AMD1: variants seen among roughly 807,000 people sequenced by gnomAD.
AMD1 encodes the protein adenosylmethionine decarboxylase 1, also known as S-adenosylmethionine decarboxylase proenzyme.
AMD1 carries 11 observed loss-of-function variants against 40.2 expected under a neutral mutation model. That is an observed-to-expected ratio of 0.27 (90% CI 0.17 to 0.45). AMD1 has a LOEUF of 0.45. AMD1 is among the 20% of genes least tolerant of loss of function. The probability of loss-of-function intolerance (pLI) is 1.00; values close to 1 mark genes in which losing one functional copy is unlikely to be tolerated. For synonymous variants in AMD1, 121 were observed against 130.8 expected (o/e 0.93, Z 0.51); for missense variants, 257 against 410.2 (o/e 0.63, Z 3.23).
At chr6:110,858,557 G>T in the AMD1 span, 1 of 1,600,750 alleles carries the variant, frequency 6.2e-7, no homozygotes, top group East Asian at 2.2e-5. Context: ...GGACCTGTTC[G>T]ATGCCAACGA....
At chr6:110,823,842 C>T in the AMD1 span, among the ~76,000 whole-genome samples, 1 of 152,082 alleles carries the variant, frequency 6.6e-6, no homozygotes, top group African/African-American at 2.4e-5. Flanking sequence ...AACAGAACTA[C>T]AAAACATTGC....
chr6:110,838,469 G>A, the AMD1 span, among the ~76,000 whole-genome samples: 1 of 152,100 alleles, frequency 6.6e-6, no homozygotes, highest in Non-Finnish European at 1.5e-5. Flanking sequence ...AGCAATGAAA[G>A]AAGAAGAAAA....
chr6:110,840,968 A>G, the AMD1 span, among the ~76,000 whole-genome samples: 324 of 152,322 alleles, frequency 2.1e-3, 1 homozygote, highest in African/African-American at 7.5e-3. Flanking sequence ...GCACTCTTTT[A>G]TAATGTTTCC....
chr6:110,851,596 G>T, the AMD1 span, among the ~76,000 whole-genome samples: 1 of 152,002 alleles, frequency 6.6e-6, no homozygotes, highest in Non-Finnish European at 1.5e-5. Flanking sequence ...CTGAGTGGCT[G>T]GGATTACAGG....
chr6:110,889,070 T>C, intron 3 of AMD1, 87 bp downstream of exon 3: 1 of 1,491,800 alleles, frequency 6.7e-7, no homozygotes, highest in Admixed American at 2.0e-5. Context: ...ATTTATATAC[T>C]TACTGCCTTT....
In AMD1 at chr6:110,874,825, C is replaced by T. The variant is rs1785007515; in HGVS notation, c.-281C>T. On this transcript the variant is annotated 5_prime_UTR_variant, in exon 1 of 9. Transcript: ENST00000368885. The stretch of plus-strand genomic sequence containing the variant: ...CCGGCGACATTAGCTAGCGCTCGCT[C>T]TACTCTCTCTAACGGGAAAGCAGCG... 1 of 356,256 alleles carries T rather than the reference C, an allele frequency of 2.8e-6. No individual in the cohort carries two copies. Among genetic ancestry groups the T allele is most frequent in the Non-Finnish European group, 5.2e-6 (1 of 193,392 alleles). The allele number at this position is 356,256 out of a possible 1,614,324, so 22.1% of individuals were successfully genotyped here.
At chr6:110,877,276 GA>G (rs1469598360) in intron 1 of AMD1, among the ~76,000 whole-genome samples, 1 of 152,238 alleles carries the variant, frequency 6.6e-6, no homozygotes, top group Non-Finnish European at 1.5e-5. Flanking sequence ...AGCAAGAACT[GA>G]AAAATATGTT....
chr6:110,867,673 C>G, the AMD1 span, among the ~76,000 whole-genome samples: 1 of 151,498 alleles, frequency 6.6e-6, no homozygotes. Context: ...CAAAACAAAA[C>G]AAAACAAAAA....
At chr6:110,889,029 G>A (rs377055532) in intron 3 of AMD1, 46 bp downstream of exon 3, 32 of 1,596,458 alleles carry the variant, frequency 2.0e-5, no homozygotes, top group South Asian at 1.4e-4. Context: ...AAATGTTAGC[G>A]TTCTTATCCT....
the AMD1 span, among the ~76,000 whole-genome samples, chr6:110,842,581 A>G: frequency 1.2e-4 from 18 of 152,162 alleles, no homozygotes; most frequent in Non-Finnish European, 2.2e-4. Flanking sequence ...GTAGCTTAGC[A>G]GTAATAGTAG....
Position 110,892,717 on chromosome 6 carries a change from G to T in AMD1, c.616-18G>T, listed in dbSNP as rs759500430. The stretch of plus-strand genomic sequence containing the variant: ...ATTTGTCAAACCCTTGTTAAACTCG[G>T]TCTTTTTCCCCCCCCAGGAGAGTGG... On this transcript the variant is annotated intron_variant, in intron 6 of 8. Transcript: ENST00000368885. 2 of 1,513,238 alleles carry T rather than the reference G, an allele frequency of 1.3e-6. No individual in the cohort carries two copies. The highest frequency in any genetic ancestry group is 1.8e-6 in the Non-Finnish European group (2 of 1,134,070). 93.7% of individuals were successfully genotyped at this position (1,513,238 alleles called of 1,614,324 possible). A position where few individuals can be genotyped will look rare whatever the true frequency, so the allele number is the denominator to read the frequency against.
the AMD1 span, chr6:110,848,581 A>G: frequency 2.1e-6 from 1 of 481,362 alleles, no homozygotes; most frequent in Non-Finnish European, 3.3e-6. Context: ...CTTGTGGACA[A>G]AGACTTTAGG....
the AMD1 span, among the ~76,000 whole-genome samples, chr6:110,853,086 C>T: frequency 6.7e-6 from 1 of 149,586 alleles, no homozygotes; most frequent in Admixed American, 6.7e-5. Flanking sequence ...TTGAGGTATG[C>T]CTGCATACAA....
rs536571911 is a variant in AMD1 at position 110,893,691 on chromosome 6, T to C, written c.*75T>C. 1.0e-4 allele frequency: 157 copies of C among 1,521,850 alleles called. 1 individual carries two copies. In the African/African-American group the frequency reaches 2.0e-3, roughly 19 times the overall value. 94.3% of individuals were successfully genotyped at this position (1,521,850 alleles called of 1,614,324 possible). A position where few individuals can be genotyped will look rare whatever the true frequency, so the allele number is the denominator to read the frequency against. On this transcript the variant is annotated 3_prime_UTR_variant, in exon 9 of 9. Transcript: ENST00000368885. ...GTGGATGCTTTCTAGATGTCGATGC[T>C]GGGGGCAGTGCTTTCCATAACCACC...
chr6:110,827,183 T>C, the AMD1 span, among the ~76,000 whole-genome samples: 1 of 152,176 alleles, frequency 6.6e-6, no homozygotes, highest in Non-Finnish European at 1.5e-5. Context: ...TGTCCAAACT[T>C]TGACTCTGTT....
chr6:110,817,889 A>G, the AMD1 span, among the ~76,000 whole-genome samples: 1 of 152,180 alleles, frequency 6.6e-6, no homozygotes, highest in Non-Finnish European at 1.5e-5. Context: ...TGAGAGCCAA[A>G]ATTTAAAGCA....
At chr6:110,837,820 T>C in the AMD1 span, among the ~76,000 whole-genome samples, 1 of 137,152 alleles carries the variant, frequency 7.3e-6, no homozygotes, top group African/African-American at 2.7e-5. Context: ...CCCAGCACTT[T>C]GGGAGGCAGA....
At chr6:110,815,653 T>C in the AMD1 span, 1 of 152,762 alleles carries the variant, frequency 6.5e-6, no homozygotes, top group Non-Finnish European at 1.5e-5. Flanking sequence ...AGCGCACGGC[T>C]CCCGGTTCCT....
At chr6:110,887,641 A>C in intron 2 of AMD1, 50 bp downstream of exon 2, 2 of 1,301,534 alleles carry the variant, frequency 1.5e-6, no homozygotes, top group Non-Finnish European at 2.1e-6. Context: ...TCCTAATCAT[A>C]ATGTGAAACA....
Sources: allele counts gnomAD v4.1 joint callset (sites outside exome capture counted in the v4.1 genomes callset), GRCh38; gene constraint gnomAD v4.1.1; transcripts MANE v1.5; gene names NCBI Gene and HGNC (gene_info 2026-07-23, HGNC 2026-07-21).